CACNA1C: variants seen among roughly 807,000 people sequenced by gnomAD.
CACNA1C encodes voltage-dependent L-type calcium channel subunit alpha-1C.
A neutral mutation model predicts 229.0 loss-of-function variants in CACNA1C; 30 were observed. The ratio of observed to expected loss-of-function variants is 0.13; its 90% confidence interval spans 0.10 to 0.18. The LOEUF (loss-of-function observed/expected upper bound fraction) is 0.18. Among genes scored for constraint, CACNA1C ranks in the 10% least tolerant of loss-of-function variants. The pLI is 1.00. For synonymous variants in CACNA1C, 1,114 were observed against 1,132.5 expected (o/e 0.98, Z 0.33); for missense variants, 1,658 against 2,845.0 (o/e 0.58, Z 9.49).
At chr12:2,668,115 G>A (rs1266362203) in intron 37 of CACNA1C, among the ~76,000 whole-genome samples, 1 of 92,966 alleles carries the variant, frequency 1.1e-5, no homozygotes, top group East Asian at 2.8e-4. Flanking sequence ...CAAAGCTCCT[G>A]TGATCCTTTC....
chr12:2,268,474 G>A (rs1345958205), intron 3 of CACNA1C, among the ~76,000 whole-genome samples: 1 of 152,220 alleles, frequency 6.6e-6, no homozygotes, highest in African/African-American at 2.4e-5. Flanking sequence ...TTTTAAGAAA[G>A]GGAAGTTTTG....
chr12:2,644,725 G>A (rs1303192598), intron 30 of CACNA1C, among the ~76,000 whole-genome samples: 1 of 152,158 alleles, frequency 6.6e-6, no homozygotes, highest in Non-Finnish European at 1.5e-5. Context: ...CATAGTGAGT[G>A]CCTTCCAGAA....
chr12:2,322,658 C>T (rs2096067175), intron 3 of CACNA1C, among the ~76,000 whole-genome samples: 1 of 152,210 alleles, frequency 6.6e-6, no homozygotes, highest in Admixed American at 6.5e-5. Flanking sequence ...TCCCTCTCTC[C>T]CTTCCTTCTG....
At chr12:2,526,114 A>G (rs1352012193) in intron 9 of CACNA1C, among the ~76,000 whole-genome samples, 3 of 152,142 alleles carry the variant, frequency 2.0e-5, no homozygotes, top group African/African-American at 7.2e-5. Flanking sequence ...CTTTCTTTCT[A>G]TATCCTGGTA....
At chr12:2,042,902 A>G (rs141661308) in intron 1 of CACNA1C, among the ~76,000 whole-genome samples, 1 of 152,358 alleles carries the variant, frequency 6.6e-6, no homozygotes, top group African/African-American at 2.4e-5. Context: ...ATTCATCCAC[A>G]TAAGAATAGT....
intron 3 of CACNA1C, among the ~76,000 whole-genome samples, chr12:2,183,626 G>A (rs2096908336): frequency 6.6e-6 from 1 of 152,092 alleles, no homozygotes; most frequent in South Asian, 2.1e-4. Flanking sequence ...AAATGAAGAT[G>A]CATCCTCTCA....
At chr12:2,370,055 C>CA (rs1454793616) in intron 3 of CACNA1C, among the ~76,000 whole-genome samples, 1 of 152,042 alleles carries the variant, frequency 6.6e-6, no homozygotes, top group Non-Finnish European at 1.5e-5. Context: ...GAAAATTTGG[C>CA]AAAGGACGTG....
intron 13 of CACNA1C, among the ~76,000 whole-genome samples, chr12:2,576,230 C>T (rs539513909): frequency 5.9e-5 from 9 of 152,186 alleles, no homozygotes; most frequent in South Asian, 2.1e-4. Flanking sequence ...TGAGCAGGGA[C>T]GCACAGTTTG....
chr12:2,408,230 G>C (rs60430978), intron 3 of CACNA1C, among the ~76,000 whole-genome samples: 2 of 152,186 alleles, frequency 1.3e-5, no homozygotes, highest in African/African-American at 4.8e-5. Flanking sequence ...TAGTTTCCAG[G>C]GATTGGAGGG....
At position 2,161,274 on chromosome 12, in the gene CACNA1C, G is replaced by C. The variant is rs1183348037; in HGVS notation, c.477+40844G>C. Among the ~76,000 whole-genome samples the C allele has an allele frequency of 3.3e-5, 5 of 151,962 alleles. No homozygotes were observed. The Middle Eastern group carries it at 0.01, about 310-fold the overall frequency. On this transcript the variant is annotated intron_variant, in intron 3 of 46. Coordinates refer to ENST00000399655, the MANE Select transcript of CACNA1C (RefSeq NM_000719.7). ...GTGTGGATGTGGTGGGATGGGAAGG[G>C]GGTCTCTGGGAGGGGAGAGACGGGG...
intron 1 of CACNA1C, among the ~76,000 whole-genome samples, chr12:2,000,817 A>C (rs1320005092): frequency 6.6e-6 from 1 of 152,194 alleles, no homozygotes; most frequent in African/African-American, 2.4e-5. Flanking sequence ...CGGGTGGATC[A>C]CCTGAGGTCA....
chr12:2,327,977 A>T (rs1255099632), intron 3 of CACNA1C, among the ~76,000 whole-genome samples: 1 of 152,194 alleles, frequency 6.6e-6, no homozygotes, highest in Non-Finnish European at 1.5e-5. Flanking sequence ...AGTTCAAAAG[A>T]TGAGATCATT....
intron 15 of CACNA1C, 70 bp downstream of exon 15, chr12:2,583,012 C>A (rs1055989809): frequency 8.5e-7 from 1 of 1,178,168 alleles, no homozygotes; most frequent in Non-Finnish European, 1.2e-6. Context: ...GCCAAACGGG[C>A]ACGCCCCTCA....
chr12:2,174,314 C>T (rs1199552521), intron 3 of CACNA1C, among the ~76,000 whole-genome samples: 1 of 152,156 alleles, frequency 6.6e-6, no homozygotes, highest in African/African-American at 2.4e-5. Context: ...AGCAGCTCTT[C>T]AGCTGCTAGT....
chr12:2,499,835 G>A (rs1004970444), intron 7 of CACNA1C, among the ~76,000 whole-genome samples: 2 of 151,620 alleles, frequency 1.3e-5, no homozygotes, highest in African/African-American at 2.4e-5. Flanking sequence ...TTTATTCTTT[G>A]TCTTCTTAAT....
chr12:2,618,284 T>G (rs2081606667), intron 29 of CACNA1C, among the ~76,000 whole-genome samples: 1 of 152,200 alleles, frequency 6.6e-6, no homozygotes, highest in African/African-American at 2.4e-5. Context: ...CTTTACGAAC[T>G]GTGGGCCAGG....
chr12:2,319,350 G>A lies in CACNA1C; in HGVS notation c.478-129626G>A, dbSNP rs113885751. 1.7e-3 allele frequency among the ~76,000 whole-genome samples: 262 copies of A among 152,134 alleles called. 1 individual carries two copies. Among genetic ancestry groups the A allele is most frequent in the African/African-American group, 6.1e-3 (251 of 41,482 alleles). On this transcript the variant is annotated intron_variant, in intron 3 of 46. Transcript: ENST00000399655. The surrounding 1 kb of genome is among the most constrained non-coding windows in gnomAD (Gnocchi z 4.0). ...TGCATGGTGGGCAACATACATGGGG[G>A]CAGTGTGCTTGGTAGGCAGCGTACC...
At chr12:2,258,423 G>GTT (rs879924844) in intron 3 of CACNA1C, among the ~76,000 whole-genome samples, 97 of 149,716 alleles carry the variant, frequency 6.5e-4, no homozygotes, top group African/African-American at 2.2e-3. Flanking sequence ...TTTTCCTCAA[G>GTT]TTTTTTTTTT....
chr12:2,686,815 T>C (rs1010458896), intron 45 of CACNA1C, among the ~76,000 whole-genome samples: 1 of 152,228 alleles, frequency 6.6e-6, no homozygotes, highest in Non-Finnish European at 1.5e-5. Context: ...GCTGAGACAG[T>C]GAAATCCAAG....
Sources: allele counts gnomAD v4.1 joint callset (sites outside exome capture counted in the v4.1 genomes callset), GRCh38; gene constraint gnomAD v4.1.1; non-coding constraint Gnocchi (gnomAD v3.1); transcripts MANE v1.5; gene names NCBI Gene and HGNC (gene_info 2026-07-23, HGNC 2026-07-21).